The following SLC25A48 variants were observed in gnomAD, a reference collection of about 807,000 sequenced individuals.
SLC25A48 encodes CTC-321K16.1.
Under a neutral mutation model 32.2 loss-of-function variants are expected in SLC25A48, and 29 were observed. That is an observed-to-expected ratio of 0.90 (90% CI 0.67 to 1.23). The LOEUF (loss-of-function observed/expected upper bound fraction) is 1.23, where lower values mean the gene tolerates loss of function less well. Among genes scored for constraint, SLC25A48 ranks in the 50% most tolerant of loss-of-function variants. SLC25A48 has a pLI of 0.00. For missense variants in SLC25A48, 399 were observed against 422.7 expected, an observed-to-expected ratio of 0.94 and a Z score of 0.49; for synonymous variants, 164 against 172.3, an observed-to-expected ratio of 0.95 and a Z score of 0.38.
intron 1 of SLC25A48, among the ~76,000 whole-genome samples, chr5:135,626,385 A>T (rs1752441018): frequency 6.6e-6 from 1 of 152,242 alleles, no homozygotes; most frequent in African/African-American, 2.4e-5. Flanking sequence ...TGTTTTCAGC[A>T]TTACTGGCTC....
At chr5:135,598,353 T>C (rs1009474993) in intron 1 of SLC25A48, among the ~76,000 whole-genome samples, 1 of 152,216 alleles carries the variant, frequency 6.6e-6, no homozygotes, top group Admixed American at 6.5e-5. Flanking sequence ...TTCCACCATA[T>C]TGCCTGTGCC....
rs1156546236 is a variant in SLC25A48, at chr5:135,783,967, A to G, written c.-520-28556A>G. On this transcript the variant is annotated intron_variant, in intron 3 of 10. Coordinates refer to the SLC25A48 transcript ENST00000646290. ...ATATTGTTGCTAATAATCAGGGGGG[A>G]AAAGGATGATATTGCTCCCAATATC... 1.7e-5 allele frequency among the ~76,000 whole-genome samples: 2 copies of G among 117,312 alleles called. 1 individual carries two copies. The highest frequency in any genetic ancestry group is 4.3e-4 in the East Asian group (2 of 4,650). 77.0% of individuals were successfully genotyped at this position (117,312 alleles called of 152,430 possible). A position where few individuals can be genotyped will look rare whatever the true frequency, so the allele number is the denominator to read the frequency against.
At chr5:135,633,924 C>A (rs779678530) in intron 2 of SLC25A48, among the ~76,000 whole-genome samples, 5 of 152,124 alleles carry the variant, frequency 3.3e-5, no homozygotes, top group Admixed American at 6.5e-5. Context: ...AAATGGCTAA[C>A]ATATTCCTCA....
chr5:135,582,384 G>C (rs1751254520), intron 1 of SLC25A48, among the ~76,000 whole-genome samples: 1 of 152,118 alleles, frequency 6.6e-6, no homozygotes. Flanking sequence ...CTCCTGCAGA[G>C]GTCAGTGTCC....
At chr5:135,696,973 G>A (rs1307108994) in intron 3 of SLC25A48, among the ~76,000 whole-genome samples, 2 of 152,206 alleles carry the variant, frequency 1.3e-5, no homozygotes, top group Admixed American at 1.3e-4. Context: ...AAAGGTAACA[G>A]TAGGATAATT....
At chr5:135,797,282 TTGTTATATTGTTTC>T (rs935166209) in intron 3 of SLC25A48, among the ~76,000 whole-genome samples, 13 of 151,968 alleles carry the variant, frequency 8.6e-5, no homozygotes, top group East Asian at 7.8e-4. Flanking sequence ...GGCTGTGACA[TTGTTATATTGTTTC>T]TGTTATATTG....
chr5:135,746,371 C>A, intron 3 of SLC25A48: 1 of 166,942 alleles, frequency 6.0e-6, no homozygotes, highest in Non-Finnish European at 1.3e-5. Flanking sequence ...TGCACAGAGA[C>A]AAGACCACAG....
At chr5:135,696,371 A>G (rs574516494) in intron 3 of SLC25A48, among the ~76,000 whole-genome samples, 10 of 152,332 alleles carry the variant, frequency 6.6e-5, no homozygotes, top group African/African-American at 2.4e-4. Context: ...TCTGAGTGAG[A>G]AAGATCACTT....
At chr5:135,855,157 G>A (rs1051155735) in intron 4 of SLC25A48, among the ~76,000 whole-genome samples, 3 of 152,170 alleles carry the variant, frequency 2.0e-5, no homozygotes, top group Non-Finnish European at 4.4e-5. Flanking sequence ...TTATGACAAG[G>A]TTGAAAATAT....
At chr5:135,595,593 G>A (rs995480512) in intron 1 of SLC25A48, among the ~76,000 whole-genome samples, 4 of 152,340 alleles carry the variant, frequency 2.6e-5, no homozygotes, top group Middle Eastern at 3.4e-3. Flanking sequence ...GTTGTGTGGT[G>A]GCAGAAAGGA....
chr5:135,718,155 G>A (rs1018895277), intron 3 of SLC25A48, among the ~76,000 whole-genome samples: 10 of 151,930 alleles, frequency 6.6e-5, no homozygotes, highest in East Asian at 3.9e-4. Context: ...CTACAGGTGC[G>A]TACCACCATG....
At chr5:135,773,691 G>C (rs188728246) in intron 3 of SLC25A48, among the ~76,000 whole-genome samples, 3 of 151,492 alleles carry the variant, frequency 2.0e-5, no homozygotes, top group Non-Finnish European at 3.0e-5. Context: ...CAGGAAGGGA[G>C]AAGATTATAT....
intron 3 of SLC25A48, among the ~76,000 whole-genome samples, chr5:135,719,919 G>A (rs1754908697): frequency 6.6e-6 from 1 of 152,216 alleles, no homozygotes; most frequent in Non-Finnish European, 1.5e-5. Flanking sequence ...CAGAGGCACT[G>A]TCTACCTGCG....
intron 3 of SLC25A48, among the ~76,000 whole-genome samples, chr5:135,745,960 T>C: frequency 6.6e-6 from 1 of 152,190 alleles, no homozygotes; most frequent in South Asian, 2.1e-4. Context: ...CTGTCCCGGA[T>C]CCTCTTAATT....
intron 3 of SLC25A48, among the ~76,000 whole-genome samples, chr5:135,663,672 G>T (rs1753456761): frequency 6.6e-6 from 1 of 152,228 alleles, no homozygotes; most frequent in Non-Finnish European, 1.5e-5. Context: ...AATGAACACA[G>T]CTATGTAAAC....
intron 3 of SLC25A48, among the ~76,000 whole-genome samples, chr5:135,680,729 A>G (rs149694326): frequency 7.0e-4 from 106 of 152,298 alleles, no homozygotes; most frequent in African/African-American, 2.4e-3. Context: ...CCCATGATTC[A>G]ATTATCTCCC....
At chr5:135,586,006 TCTAAGTG>T (rs1751357671) in intron 1 of SLC25A48, among the ~76,000 whole-genome samples, 2 of 152,230 alleles carry the variant, frequency 1.3e-5, no homozygotes, top group Admixed American at 1.3e-4. Context: ...CAAGGACTGT[TCTAAGTG>T]CTATACAAAT....
intron 3 of SLC25A48, among the ~76,000 whole-genome samples, chr5:135,691,420 T>C (rs1347907911): frequency 6.6e-6 from 1 of 152,024 alleles, no homozygotes; most frequent in Admixed American, 6.6e-5. Flanking sequence ...GGAGGGAAGG[T>C]GGGAAAGAGT....
chr5:135,886,903 G>T (rs930521097), intron 7 of SLC25A48, among the ~76,000 whole-genome samples: 1 of 151,728 alleles, frequency 6.6e-6, no homozygotes, highest in Non-Finnish European at 1.5e-5. Context: ...ACCAGTTTTG[G>T]TGTCTGTGCC....
Sources: allele counts gnomAD v4.1 joint callset (sites outside exome capture counted in the v4.1 genomes callset), GRCh38; gene constraint gnomAD v4.1.1; transcripts MANE v1.5; gene names NCBI Gene and HGNC (gene_info 2026-07-23, HGNC 2026-07-21).